The following WASHC2A variants were observed in gnomAD, a reference collection of about 807,000 sequenced individuals.
WASHC2A encodes WASH complex subunit FAM21A.
A neutral mutation model predicts 140.3 loss-of-function variants in WASHC2A; 82 were observed. The observed-to-expected ratio is 0.58, with a 90% CI of 0.49 to 0.70. WASHC2A has a LOEUF of 0.70. Ranked by LOEUF, WASHC2A falls within the 30% of genes least tolerant of loss-of-function variation. The pLI, the probability that WASHC2A is intolerant of heterozygous loss-of-function variation, is 0.00. For missense variants in WASHC2A, 985 were observed against 1,521.8 expected, an observed-to-expected ratio of 0.65 and a Z score of 5.87; for synonymous variants, 340 against 560.8, an observed-to-expected ratio of 0.61 and a Z score of 5.56.
chr10:50,094,682 T>C (rs1391721802), intron 13 of WASHC2A, among the ~76,000 whole-genome samples: 124 of 148,764 alleles, frequency 8.3e-4, no homozygotes, highest in African/African-American at 1.6e-3. Flanking sequence ...CTGCTGTCCA[T>C]GTTTTGGCAT....
At chr10:50,081,644 T>C (rs1183245279) in intron 5 of WASHC2A, among the ~76,000 whole-genome samples, 4 of 150,766 alleles carry the variant, frequency 2.7e-5, no homozygotes, top group African/African-American at 9.8e-5. Context: ...AAACCCTTTT[T>C]TTTTTTTGAG....
chr10:50,073,319 T>G (rs1838025854), intron 3 of WASHC2A, among the ~76,000 whole-genome samples: 1 of 152,114 alleles, frequency 6.6e-6, no homozygotes, highest in African/African-American at 2.4e-5. Context: ...AATTAACCTG[T>G]TTATGCCCAA....
At chr10:50,091,567 C>T (rs1839932044) in intron 10 of WASHC2A, 49 bp downstream of exon 10, 1 of 1,546,654 alleles carries the variant, frequency 6.5e-7, no homozygotes, top group African/African-American at 1.4e-5. Flanking sequence ...TAGTGCAGGG[C>T]CCTCTGCTGG....
chr10:50,107,353 G>C (rs1303450380), intron 19 of WASHC2A, among the ~76,000 whole-genome samples: 62 of 140,734 alleles, frequency 4.4e-4, no homozygotes, highest in African/African-American at 1.5e-3. Context: ...TTGTGATCTG[G>C]ATAGATACTA....
intron 16 of WASHC2A, 58 bp downstream of exon 16, chr10:50,097,860 A>G: frequency 6.2e-7 from 1 of 1,611,110 alleles, no homozygotes; most frequent in Non-Finnish European, 8.5e-7. Context: ...TTAATAATTC[A>G]TCCTGAACCC....
rs1554888550 is a variant in WASHC2A at position 50,106,367 on chromosome 10, C to T, written c.1771C>T (p.Gln591Ter). 7.4e-6 allele frequency: 12 copies of T among 1,611,964 alleles called. No homozygotes were observed. The highest frequency in any genetic ancestry group is 1.0e-5 in the Non-Finnish European group (12 of 1,179,850). The change falls in exon 19 of 31, where the codon CAG becomes TAG. Residue 591 changes from glutamine (Q) to a stop codon, truncating the protein, a stop_gained. Coordinates refer to ENST00000282633, the MANE Select transcript of WASHC2A (RefSeq NM_001005751.3). LOFTEE classifies it high-confidence loss of function. ...NLFGGTAAKKQTLCLQAQREE... is the reference protein window; with the variant it reads ...NLFGGTAAKK ...TTTTGGGGGTACAGCTGCTAAGAAGCAGACATTGTGTCTACAAGCTCAGAG... is the reference window on the plus strand; with the variant it reads ...TTTTGGGGGTACAGCTGCTAAGAAGTAGACATTGTGTCTACAAGCTCAGAG...
At chr10:50,127,469 C>G in intron 27 of WASHC2A, 114 bp from the exon 28 acceptor site, 1 of 1,610,116 alleles carries the variant, frequency 6.2e-7, no homozygotes, top group Non-Finnish European at 8.5e-7. Flanking sequence ...TCCTACGTTT[C>G]TCTACTCCTC....
chr10:50,072,675 A>G (rs1837971206), intron 3 of WASHC2A, among the ~76,000 whole-genome samples: 1 of 151,758 alleles, frequency 6.6e-6, no homozygotes, highest in African/African-American at 2.4e-5. Context: ...TTTTTAGTAG[A>G]GATGGGGTTT....
At chr10:50,116,318 ATTT>A (rs1177525686) in intron 21 of WASHC2A, among the ~76,000 whole-genome samples, 1 of 54,718 alleles carries the variant, frequency 1.8e-5, no homozygotes. Flanking sequence ...AATTATTATT[ATTT>A]TTTTTTTTTT....
chr10:50,118,196 G>C lies in WASHC2A; in HGVS notation c.2295+138G>C, dbSNP rs1364570186. The C allele has an allele frequency of 1.3e-4, 85 of 636,124 alleles. 3 individuals are homozygous for C. Among genetic ancestry groups the C allele is most frequent in the Admixed American group, 8.5e-4 (30 of 35,414 alleles). 39.4% of individuals were successfully genotyped at this position (636,124 alleles called of 1,614,324 possible). A position where few individuals can be genotyped will look rare whatever the true frequency, so the allele number is the denominator to read the frequency against. ...CAGATTTGAAAACATAGACAAGCAG[G>C]CTGTGTCCCCACAGTGCAGGAAGCC... On this transcript the variant is annotated intron_variant, in intron 22 of 30. Coordinates refer to ENST00000282633, the MANE Select transcript of WASHC2A (RefSeq NM_001005751.3).
intron 30 of WASHC2A, among the ~76,000 whole-genome samples, chr10:50,132,283 G>A (rs953846472): frequency 1.4e-4 from 22 of 152,208 alleles, no homozygotes; most frequent in Non-Finnish European, 2.9e-4. Context: ...ACATTACTGG[G>A]TAAGTACCAT....
chr10:50,094,000 C>T, intron 13 of WASHC2A, 83 bp downstream of exon 13: 17 of 1,604,736 alleles, frequency 1.1e-5, no homozygotes, highest in Non-Finnish European at 1.4e-5. Flanking sequence ...CAAGGTTGTT[C>T]CCAAGCCTTG....
rs1843789255 is a variant in WASHC2A at position 50,129,924 on chromosome 10, C to T, written c.3593C>T (p.Pro1198Leu). The T allele has an allele frequency of 1.2e-6, 2 of 1,611,834 alleles. No homozygotes were observed. Among genetic ancestry groups the T allele is most frequent in the African/African-American group, 2.7e-5 (2 of 74,838 alleles). ...CCAAAACCAGCAAAGAAAACAAATC[C>T]CTTTCCTCTCCTGGAAGATGAGGAT... The part of the protein sequence containing the change: ...AKPKPAKKTN[P>L]FPLLEDEDDL... The change falls in exon 29 of 31, where the codon CCC becomes CTC. Residue 1198 changes from proline to leucine, a missense_variant. Physicochemically the swap from Pro to Leu is moderately conservative, Grantham distance 98 (BLOSUM62 -3). Transcript: ENST00000282633.
At chr10:50,100,770 C>T (rs1352983827) in intron 17 of WASHC2A, among the ~76,000 whole-genome samples, 4 of 152,196 alleles carry the variant, frequency 2.6e-5, no homozygotes, top group African/African-American at 9.7e-5. Context: ...TCTGTCTTGT[C>T]GAGACTGAGA....
intron 20 of WASHC2A, among the ~76,000 whole-genome samples, chr10:50,113,511 C>T (rs1239990120): frequency 6.6e-5 from 10 of 152,016 alleles, no homozygotes; most frequent in Middle Eastern, 3.2e-3. Context: ...TCTTGGCAAC[C>T]GTCTTCATGA....
intron 13 of WASHC2A, among the ~76,000 whole-genome samples, chr10:50,094,733 AT>A (rs1196565635): frequency 4.7e-5 from 7 of 150,308 alleles, no homozygotes; most frequent in Admixed American, 2.7e-4. Context: ...TTATGTCTTT[AT>A]TTTTTTACTG....
At chr10:50,077,426 G>A (rs1437060448) in intron 3 of WASHC2A, among the ~76,000 whole-genome samples, 10 of 152,276 alleles carry the variant, frequency 6.6e-5, no homozygotes, top group Admixed American at 6.5e-4. Context: ...CAAGGATCAG[G>A]TTGGGGATAG....
intron 13 of WASHC2A, among the ~76,000 whole-genome samples, 185 bp from the exon 14 acceptor site, chr10:50,094,963 A>G (rs541355217): frequency 2.6e-5 from 4 of 151,984 alleles, no homozygotes; most frequent in African/African-American, 9.7e-5. Context: ...GTTAATCCCC[A>G]AAAAAAAGTC....
chr10:50,080,330 A>T (rs1838784845), intron 4 of WASHC2A, among the ~76,000 whole-genome samples: 1 of 151,848 alleles, frequency 6.6e-6, no homozygotes, highest in Non-Finnish European at 1.5e-5. Flanking sequence ...GTAATTGAAA[A>T]ATGAGACCTC....
Sources: gnomAD v4.1 joint callset for allele counts (sites outside exome capture counted in the v4.1 genomes callset) on GRCh38, gnomAD v4.1.1 for gene constraint, MANE v1.5 for transcripts, NCBI Gene and HGNC (gene_info 2026-07-23, HGNC 2026-07-21) for gene names.